GCM1: variants seen among roughly 807,000 people sequenced by gnomAD.
The protein encoded by GCM1 is GCM transcription factor 1.
Under a neutral mutation model 25.7 loss-of-function variants are expected in GCM1, and 2 were observed. The ratio of observed to expected loss-of-function variants is 0.08; its 90% CI spans 0.03 to 0.24. The LOEUF (loss-of-function observed/expected upper bound fraction) is 0.24, where lower values mean the gene tolerates loss of function less well. Ranked by LOEUF, GCM1 falls within the 10% of genes least tolerant of loss-of-function variation. GCM1 has a pLI of 1.00. For synonymous variants in GCM1, 183 were observed against 195.7 expected (o/e 0.94, Z 0.54); for missense variants, 395 against 538.7 (o/e 0.73, Z 2.64).
intron 5 of GCM1, among the ~76,000 whole-genome samples, chr6:53,129,419 G>A (rs532592781): frequency 2.4e-4 from 36 of 152,034 alleles, no homozygotes; most frequent in African/African-American, 5.1e-4. Context: ...GATTACAGGC[G>A]CCTGCCACCA....
intron 2 of GCM1, among the ~76,000 whole-genome samples, chr6:53,139,832 GC>G (rs1763849971): frequency 6.6e-6 from 1 of 152,098 alleles, no homozygotes; most frequent in South Asian, 2.1e-4. Context: ...TTGCACTCCA[GC>G]CTGGGCGACA....
At chr6:53,130,953 G>A (rs752175025) in intron 4 of GCM1, 22 bp from the exon 5 acceptor site, 3 of 1,604,228 alleles carry the variant, frequency 1.9e-6, no homozygotes, top group African/African-American at 2.7e-5. Flanking sequence ...CAAGGAAGTA[G>A]AAAGGAAATG....
intron 2 of GCM1, among the ~76,000 whole-genome samples, chr6:53,138,494 T>C (rs924635834): frequency 1.3e-5 from 2 of 152,142 alleles, no homozygotes; most frequent in African/African-American, 2.4e-5. Flanking sequence ...AAGTGTCAGA[T>C]GGATGACTGT....
At chr6:53,144,176 A>G (rs1001967664) in intron 2 of GCM1, among the ~76,000 whole-genome samples, 6 of 152,210 alleles carry the variant, frequency 3.9e-5, no homozygotes, top group African/African-American at 1.4e-4. Flanking sequence ...AATTCCAGCT[A>G]CTTGAGAAGG....
chr6:53,128,510 G>A lies in GCM1; in HGVS notation c.1007C>T (p.Pro336Leu), dbSNP rs1201524770. The change falls in exon 6 of 6, where the codon CCC becomes CTC. Residue 336 changes from proline (P) to leucine (L), a missense_variant. Coordinates refer to ENST00000259803, the MANE Select transcript of GCM1 (RefSeq NM_003643.4). ...CTCCAATGGAAGCTGCTGGTAAAAG[G>A]GTTCTGAAGAGTTTTGGGAAGGAGA... ...SFSPSQNSSE[P>L]FYQQLPLEPP... 1 of 1,614,046 alleles carries A rather than the reference G, an allele frequency of 6.2e-7. No individual in the cohort carries two copies. Among genetic ancestry groups the A allele is most frequent in the Non-Finnish European group, 8.5e-7 (1 of 1,179,946 alleles).
intron 2 of GCM1, among the ~76,000 whole-genome samples, chr6:53,142,870 CAAAAAAAAAAAAAAAAAAA>C (rs60718730): frequency 5.3e-5 from 2 of 37,512 alleles, no homozygotes; most frequent in Non-Finnish European, 1.2e-4. Flanking sequence ...CAAGGATCTC[CAAAAAAAAAAAAAAAAAAA>C]AAAAAAAAAA....
chr6:53,143,375 T>G (rs575147194), intron 2 of GCM1, among the ~76,000 whole-genome samples: 1 of 152,324 alleles, frequency 6.6e-6, no homozygotes, highest in Non-Finnish European at 1.5e-5. Context: ...CATCTCTTGT[T>G]TATGGATCTG....
chr6:53,132,943 T>G (rs1562088143), intron 3 of GCM1, among the ~76,000 whole-genome samples: 1 of 152,202 alleles, frequency 6.6e-6, no homozygotes, highest in Non-Finnish European at 1.5e-5. Flanking sequence ...TATTTCATAA[T>G]CCAGTGAATG....
rs773268519 is a variant in GCM1, at chr6:53,145,654, G to T, written c.-22C>A. The T allele has an allele frequency of 2.5e-5, 35 of 1,421,566 alleles. No individual in the cohort carries two copies. In the Admixed American group the frequency reaches 3.1e-4, roughly 12 times the overall value. 88.1% of individuals were successfully genotyped at this position (1,421,566 alleles called of 1,614,324 possible). A position where few individuals can be genotyped will look rare whatever the true frequency, so the allele number is the denominator to read the frequency against. Reference sequence around the variant, plus strand: ...CCATGATAAGGTCAGGCCAGCCAAGGTTTTCACCTATTCGACTCCCCTCAG... The same window carrying T: ...CCATGATAAGGTCAGGCCAGCCAAGTTTTTCACCTATTCGACTCCCCTCAG... On this transcript the variant is annotated 5_prime_UTR_variant, in exon 2 of 6. Coordinates refer to ENST00000259803, the MANE Select transcript of GCM1 (RefSeq NM_003643.4).
intron 1 of GCM1, among the ~76,000 whole-genome samples, chr6:53,146,695 C>G (rs1763962748): frequency 6.6e-6 from 1 of 152,206 alleles, no homozygotes; most frequent in Admixed American, 6.5e-5. Flanking sequence ...CCAGATAATT[C>G]TTTGTTGTGG....
rs1763660223 is a variant in GCM1, at chr6:53,127,717, A to T, written c.*489T>A. 6.5e-6 allele frequency: 1 copy of T among 152,688 alleles called. No homozygotes were observed. Among genetic ancestry groups the T allele is most frequent in the African/African-American group, 2.4e-5 (1 of 41,404 alleles). The allele number at this position is 152,688 out of a possible 1,614,324, so 9.5% of individuals were successfully genotyped here. Reference sequence around the variant, plus strand: ...AGAGTGGAGGAGAAGAAGCCAAAAAAATTACTCATGTGAAGAAAAAAGCCT... The same window carrying T: ...AGAGTGGAGGAGAAGAAGCCAAAAATATTACTCATGTGAAGAAAAAAGCCT... On this transcript the variant is annotated 3_prime_UTR_variant, in exon 6 of 6. Coordinates refer to ENST00000259803, the MANE Select transcript of GCM1 (RefSeq NM_003643.4).
At chr6:53,148,616 G>A (rs1763998372) in intron 1 of GCM1, 138 bp downstream of exon 1, 1 of 152,036 alleles carries the variant, frequency 6.6e-6, no homozygotes, top group South Asian at 2.1e-4. Context: ...TTTTTTTAAA[G>A]CAACTTGCGC....
At chr6:53,141,905 G>A (rs1358913461) in intron 2 of GCM1, among the ~76,000 whole-genome samples, 1 of 146,268 alleles carries the variant, frequency 6.8e-6, no homozygotes, top group Non-Finnish European at 1.5e-5. Flanking sequence ...TCTAGAGGCT[G>A]GGTTGAGAGA....
intron 2 of GCM1, among the ~76,000 whole-genome samples, chr6:53,140,064 A>G (rs146311825): frequency 2.0e-5 from 3 of 152,202 alleles, no homozygotes; most frequent in Non-Finnish European, 4.4e-5. Flanking sequence ...ATCACACCAG[A>G]AGCACAGAGT....
intron 1 of GCM1, among the ~76,000 whole-genome samples, chr6:53,146,502 G>A (rs1763960365): frequency 6.6e-6 from 1 of 151,976 alleles, no homozygotes; most frequent in Admixed American, 6.6e-5. Flanking sequence ...TTACAGGCGT[G>A]AGCCACCGCA....
chr6:53,128,631 C>G lies in GCM1; in HGVS notation c.886G>C (p.Ala296Pro), dbSNP rs368633414. 39 of 1,613,854 alleles carry G rather than the reference C, an allele frequency of 2.4e-5. No individual in the cohort carries two copies. Among genetic ancestry groups the G allele is most frequent in the Admixed American group, 3.3e-5 (2 of 59,994 alleles). Residue 296 changes from alanine (A) to proline (P), a missense_variant, in exon 6 of 6, where the codon GCG becomes CCG. Physicochemically the swap from Ala to Pro is conservative, Grantham distance 27. Coordinates refer to ENST00000259803, the MANE Select transcript of GCM1 (RefSeq NM_003643.4). ...GVYSDHGDLQAWSKNAALGRN... is the reference protein window; with the variant it reads ...GVYSDHGDLQPWSKNAALGRN... The stretch of plus-strand genomic sequence containing the variant: ...CCCAAAGCAGCATTTTTACTCCACG[C>G]TTGTAGATCGCCATGATCAGAGTAG...
Position 53,128,216 on chromosome 6 carries a change from G to A in GCM1, c.1301C>T (p.Pro434Leu). Residue 434 changes from proline to leucine, a missense_variant, in exon 6 of 6, where the codon CCT becomes CTT. By Grantham distance (98) the Pro-to-Leu change is moderately conservative. Around this residue, in one of 5 missense-constraint regions of GCM1, gnomAD observed 291 missense variants for 314.6 expected, o/e 0.92. Transcript: ENST00000259803. ...CNNDMLLNLCPLR is the reference protein window; with the variant it reads ...CNNDMLLNLCLLR ...AGTGAAAGATTTGGGTCATCTCAAA[G>A]GACACAGGTTCAGAAGCATATCATT... is the stretch of plus-strand genomic sequence containing the variant. 2 of 1,605,860 alleles carry A rather than the reference G, an allele frequency of 1.2e-6. No homozygotes were observed. Among genetic ancestry groups the A allele is most frequent in the Non-Finnish European group, 1.7e-6 (2 of 1,179,418 alleles).
intron 2 of GCM1, among the ~76,000 whole-genome samples, chr6:53,141,804 G>C (rs1763876451): frequency 6.6e-6 from 1 of 151,564 alleles, no homozygotes; most frequent in Non-Finnish European, 1.5e-5. Flanking sequence ...TGGGGTTCGA[G>C]ACCAGCCTGG....
chr6:53,142,870 CAAAAAAAAAAAA>C (rs60718730), intron 2 of GCM1, among the ~76,000 whole-genome samples: 3,595 of 37,690 alleles, frequency 0.095, 183 homozygotes, highest in Middle Eastern at 0.23. Context: ...CAAGGATCTC[CAAAAAAAAAAAA>C]AAAAAAAAAA....
Sources: gnomAD v4.1 joint callset for allele counts (sites outside exome capture counted in the v4.1 genomes callset) on GRCh38, gnomAD v4.1.1 for gene constraint, gnomAD v4.1.1 regional missense constraint, MANE v1.5 for transcripts, NCBI Gene and HGNC (gene_info 2026-07-23, HGNC 2026-07-21) for gene names.